DNAJA3: variants seen among roughly 807,000 people sequenced by gnomAD.
DNAJA3 encodes DnaJ heat shock protein family (Hsp40) member A3, also known as dnaJ homolog subfamily A member 3, mitochondrial.
DNAJA3 carries 29 observed loss-of-function variants against 54.9 expected under a neutral mutation model. The observed-to-expected ratio is 0.53, with a 90% CI of 0.39 to 0.72. The LOEUF (loss-of-function observed/expected upper bound fraction) is 0.72, where lower values mean the gene tolerates loss of function less well. Among genes scored for constraint, DNAJA3 ranks in the 30% least tolerant of loss-of-function variants. The probability of loss-of-function intolerance (pLI) is 0.00; values close to 1 mark genes in which losing one functional copy is unlikely to be tolerated. For missense variants in DNAJA3, 708 were observed against 639.4 expected (o/e 1.11, Z -1.16); for synonymous variants, 302 against 251.4 (o/e 1.20, Z -1.90).
At chr16:4,428,029 G>A (rs754342893) in intron 1 of DNAJA3, among the ~76,000 whole-genome samples, 3 of 151,732 alleles carry the variant, frequency 2.0e-5, no homozygotes, top group Non-Finnish European at 4.4e-5. Flanking sequence ...TCAGCTCACT[G>A]CAAGCTCCGC....
intron 3 of DNAJA3, 146 bp downstream of exon 3, chr16:4,437,631 TAA>T: frequency 1.6e-6 from 1 of 628,904 alleles, no homozygotes; most frequent in Non-Finnish European, 2.7e-6. Flanking sequence ...TTAAGAAAAA[TAA>T]AAAAAAAGAG....
chr16:4,455,066 T>C, intron 11 of DNAJA3, 139 bp downstream of exon 11: 1 of 650,116 alleles, frequency 1.5e-6, no homozygotes, highest in Non-Finnish European at 2.7e-6. Context: ...TAAACCTAGC[T>C]CCACTAGGAG....
intron 7 of DNAJA3, 37 bp downstream of exon 7, chr16:4,444,765 T>G (rs375532575): frequency 6.9e-6 from 11 of 1,589,358 alleles, no homozygotes; most frequent in Non-Finnish European, 7.8e-6. Flanking sequence ...TGTTGGGCCT[T>G]TCCTCTCTTC....
At chr16:4,438,635 C>CTTTTTTTTTTTTT (rs56211652) in intron 3 of DNAJA3, among the ~76,000 whole-genome samples, 7 of 110,646 alleles carry the variant, frequency 6.3e-5, no homozygotes, top group African/African-American at 1.8e-4. Context: ...ACAATCTTTT[C>CTTTTTTTTTTTTT]TTTTTTTTTT....
At chr16:4,435,552 C>T (rs1323184269) in intron 2 of DNAJA3, among the ~76,000 whole-genome samples, 1 of 152,152 alleles carries the variant, frequency 6.6e-6, no homozygotes, top group East Asian at 1.9e-4. Flanking sequence ...TTTGCCTATT[C>T]TCAATATTCA....
At chr16:4,455,027 G>A in intron 11 of DNAJA3, 100 bp downstream of exon 11, 1 of 797,344 alleles carries the variant, frequency 1.3e-6, no homozygotes, top group East Asian at 2.7e-5. Context: ...ACCCCCAGGA[G>A]TTGGAACAGG....
At chr16:4,444,825 C>T (rs2056883786) in intron 7 of DNAJA3, 97 bp downstream of exon 7, 2 of 1,105,534 alleles carry the variant, frequency 1.8e-6, no homozygotes, top group Non-Finnish European at 2.7e-6. Flanking sequence ...TTCACAGGAA[C>T]ATGTCTCGCC....
rs2057038499 is a variant in DNAJA3, at chr16:4,456,580, AGTTTCCAT to A, written c.*1051_*1058del. ...CCAGCCTCTGCTGGTAGCATGTCGCAGTTTCCATGTGTTTCAGGATCTTCGGGCTGTCG... is the reference window on the plus strand; with the variant it reads ...CCAGCCTCTGCTGGTAGCATGTCGCAGTGTTTCAGGATCTTCGGGCTGTCG... On this transcript the variant is annotated 3_prime_UTR_variant, in exon 12 of 12. Coordinates refer to ENST00000262375, the MANE Select transcript of DNAJA3 (RefSeq NM_005147.6). 2 of 152,672 alleles carry A rather than the reference AGTTTCCAT, an allele frequency of 1.3e-5. No individual in the cohort carries two copies. The highest frequency in any genetic ancestry group is 4.8e-5 in the African/African-American group (2 of 41,466). 9.5% of individuals were successfully genotyped at this position (152,672 alleles called of 1,614,324 possible).
chr16:4,427,738 A>G (rs1279358452), intron 1 of DNAJA3, among the ~76,000 whole-genome samples: 2 of 152,172 alleles, frequency 1.3e-5, no homozygotes, highest in Non-Finnish European at 2.9e-5. Flanking sequence ...GCACAATTAC[A>G]ACTCAGTGCA....
At chr16:4,451,345 A>G (rs765619190) in intron 10 of DNAJA3, among the ~76,000 whole-genome samples, 8 of 151,906 alleles carry the variant, frequency 5.3e-5, no homozygotes, top group Non-Finnish European at 1.0e-4. Context: ...CTGGGGGCCG[A>G]TTTTCCAATA....
intron 10 of DNAJA3, among the ~76,000 whole-genome samples, chr16:4,450,976 C>A (rs375683049): frequency 6.6e-6 from 1 of 152,202 alleles, no homozygotes; most frequent in African/African-American, 2.4e-5. Context: ...AGACTCCGTC[C>A]GCCGCTTTAG....
At chr16:4,433,390 A>G (rs571748427) in intron 1 of DNAJA3, 1 of 152,204 alleles carries the variant, frequency 6.6e-6, no homozygotes, top group East Asian at 1.9e-4. Context: ...TCTTAGATTG[A>G]TTTGTCATTG....
rs2057038186 is a variant in DNAJA3 at position 4,456,558 on chromosome 16, G to T, written c.*1026G>T. The T allele has an allele frequency of 6.5e-6, 1 of 152,754 alleles. No individual in the cohort carries two copies. The highest frequency in any genetic ancestry group is 1.9e-4 in the East Asian group (1 of 5,194). The allele number at this position is 152,754 out of a possible 1,614,324, so 9.5% of individuals were successfully genotyped here. A position where few individuals can be genotyped will look rare whatever the true frequency, so the allele number is the denominator to read the frequency against. On this transcript the variant is annotated 3_prime_UTR_variant, in exon 12 of 12. Transcript: ENST00000262375. ...GTGAGAGCAGAACCCCCATTCCCCAGCCTCTGCTGGTAGCATGTCGCAGTT... is the reference window on the plus strand; with the variant it reads ...GTGAGAGCAGAACCCCCATTCCCCATCCTCTGCTGGTAGCATGTCGCAGTT...
At position 4,425,870 on chromosome 16, in the gene DNAJA3, C is replaced by A. The variant is rs1291627176; in HGVS notation, c.-12C>A. The A allele has an allele frequency of 7.2e-6, 11 of 1,519,758 alleles. No individual in the cohort carries two copies. In the African/African-American group the frequency reaches 1.4e-4, roughly 20 times the overall value. 94.1% of individuals were successfully genotyped at this position (1,519,758 alleles called of 1,614,324 possible). Reference sequence around the variant, plus strand: ...GAGCCGGGCGGCGCAGGCGCAGAGTCCCCGGGCCAAGATGGCTGCGCGGTG... The same window carrying A: ...GAGCCGGGCGGCGCAGGCGCAGAGTACCCGGGCCAAGATGGCTGCGCGGTG... On this transcript the variant is annotated 5_prime_UTR_variant, in exon 1 of 12. Coordinates refer to ENST00000262375, the MANE Select transcript of DNAJA3 (RefSeq NM_005147.6).
chr16:4,448,199 TG>T (rs1396740141), intron 8 of DNAJA3, among the ~76,000 whole-genome samples: 1 of 151,160 alleles, frequency 6.6e-6, no homozygotes, highest in African/African-American at 2.4e-5. Context: ...GCTAATTTTT[TG>T]TATTTTAGTA....
At chr16:4,428,519 A>G (rs377216440) in intron 1 of DNAJA3, among the ~76,000 whole-genome samples, 1 of 152,206 alleles carries the variant, frequency 6.6e-6, no homozygotes, top group Non-Finnish European at 1.5e-5. Context: ...AAATTTGTTC[A>G]TGTTCCAGCT....
chr16:4,437,789 A>G (rs986798188), intron 3 of DNAJA3, among the ~76,000 whole-genome samples: 8 of 150,262 alleles, frequency 5.3e-5, no homozygotes, highest in Non-Finnish European at 1.2e-4. Context: ...GTCTCTACAA[A>G]AAAAAAAAAA....
At chr16:4,446,848 G>A in intron 7 of DNAJA3, 38 bp from the exon 8 acceptor site, 1 of 1,611,110 alleles carries the variant, frequency 6.2e-7, no homozygotes. Context: ...GTCTGCAGTG[G>A]ACTTATCTTC....
At chr16:4,437,552 C>A in intron 3 of DNAJA3, 67 bp downstream of exon 3, 1 of 1,332,472 alleles carries the variant, frequency 7.5e-7, no homozygotes, top group Non-Finnish European at 1.1e-6. Flanking sequence ...GGTTGCATTG[C>A]TACCTGGGAC....
Sources: gnomAD v4.1 joint callset for allele counts (sites outside exome capture counted in the v4.1 genomes callset) on GRCh38, gnomAD v4.1.1 for gene constraint, MANE v1.5 for transcripts, NCBI Gene and HGNC (gene_info 2026-07-23, HGNC 2026-07-21) for gene names.